The following CELF2 variants were observed in gnomAD, a reference collection of about 807,000 sequenced individuals.
The protein encoded by CELF2 is CUGBP Elav-like family member 2.
In CELF2, 8 loss-of-function variants were observed where a neutral mutation model predicts 62.6. That is an observed-to-expected ratio of 0.13 (90% CI 0.07 to 0.23). CELF2 has a LOEUF of 0.23. Ranked by LOEUF, CELF2 falls within the 10% of genes least tolerant of loss-of-function variation. The probability of loss-of-function intolerance (pLI) is 1.00; values close to 1 mark genes in which losing one functional copy is unlikely to be tolerated. For missense variants in CELF2, 333 were observed against 671.0 expected (o/e 0.50, Z 5.56); for synonymous variants, 258 against 250.0 (o/e 1.03, Z -0.30).
In CELF2 at chr10:11,335,531, C is replaced by T. The variant is rs1272869341; in HGVS notation, c.*6478C>T. The T allele has an allele frequency of 6.6e-6, 1 of 152,306 alleles. No individual in the cohort carries two copies. Among genetic ancestry groups the T allele is most frequent in the Non-Finnish European group, 1.5e-5 (1 of 68,102 alleles). The allele number at this position is 152,306 out of a possible 1,614,324, so 9.4% of individuals were successfully genotyped here. On this transcript the variant is annotated 3_prime_UTR_variant, in exon 13 of 13. Transcript: ENST00000633077. The surrounding 1 kb of genome is among the most constrained non-coding windows in gnomAD (Gnocchi z 5.0). Reference sequence around the variant, plus strand: ...CGAGGTGGAGGAAGGGAGGCTCCCTCCCCGGGGCTGGCCGCCTCAGTGATG... The same window carrying T: ...CGAGGTGGAGGAAGGGAGGCTCCCTTCCCGGGGCTGGCCGCCTCAGTGATG...
In CELF2 at chr10:11,203,851, A is replaced by G. The variant is rs183821900; in HGVS notation, c.272-13574A>G. 6.6e-5 allele frequency among the ~76,000 whole-genome samples: 10 copies of G among 152,318 alleles called. No homozygotes were observed. In the East Asian group the frequency reaches 1.9e-3, roughly 29 times the overall value. On this transcript the variant is annotated intron_variant, in intron 2 of 12. Transcript: ENST00000633077. ...CACCATGGAAACTCTTATCAAACCT[A>G]GTGGCCATAAGATTCATTGATACTA...
At chr10:10,884,248 G>A (rs7087274) in intron 1 of CELF2, among the ~76,000 whole-genome samples, 82,991 of 151,970 alleles carry the variant, frequency 0.55, 23,944 homozygotes, top group East Asian at 0.75. Flanking sequence ...GAACAGCTGT[G>A]ACTAAATGGG....
rs1032011902 is a variant in CELF2 at position 11,280,485 on chromosome 10, G to A, written c.841+5365G>A. 3.3e-5 allele frequency among the ~76,000 whole-genome samples: 5 copies of A among 152,236 alleles called. No individual in the cohort carries two copies. Among genetic ancestry groups the A allele is most frequent in the African/African-American group, 9.6e-5 (4 of 41,470 alleles). ...CGATGTCCACGTTCCGGGTGATGGCGCTGTGGCTGTGGATCCATCTGTGGT... is the reference window on the plus strand; with the variant it reads ...CGATGTCCACGTTCCGGGTGATGGCACTGTGGCTGTGGATCCATCTGTGGT... On this transcript the variant is annotated intron_variant, in intron 8 of 12. Coordinates refer to ENST00000633077, the MANE Select transcript of CELF2 (RefSeq NM_001326342.2). This position sits in a 1 kb window ranked among gnomAD's most constrained non-coding sequence, Gnocchi z 7.6.
At chr10:10,872,078 T>A (rs548306186) in intron 1 of CELF2, among the ~76,000 whole-genome samples, 133 of 152,370 alleles carry the variant, frequency 8.7e-4, no homozygotes, top group Middle Eastern at 3.4e-3. Flanking sequence ...TGTGAAATAT[T>A]TCCTTTGGAA....
the CELF2 span, among the ~76,000 whole-genome samples, chr10:10,622,107 C>T: frequency 6.6e-6 from 1 of 152,196 alleles, no homozygotes; most frequent in Admixed American, 6.5e-5. Context: ...TCCTGACAGT[C>T]ACTGGGGATG....
the CELF2 span, among the ~76,000 whole-genome samples, chr10:10,662,361 G>A: frequency 1.3e-5 from 2 of 152,268 alleles, no homozygotes; most frequent in Admixed American, 6.5e-5. Context: ...AGACTAAAAT[G>A]TGCATGACTT....
chr10:11,162,702 G>A (rs950851089), intron 1 of CELF2, among the ~76,000 whole-genome samples: 2 of 152,102 alleles, frequency 1.3e-5, no homozygotes, highest in African/African-American at 4.8e-5. Flanking sequence ...TAGGAATTGT[G>A]GTTGAGTCTA....
At chr10:10,733,921 T>A in the CELF2 span, among the ~76,000 whole-genome samples, 1 of 152,132 alleles carries the variant, frequency 6.6e-6, no homozygotes, top group Non-Finnish European at 1.5e-5. Context: ...TTTAAGAATG[T>A]AATACAAATT....
chr10:10,697,373 C>G, the CELF2 span, among the ~76,000 whole-genome samples: 5 of 152,176 alleles, frequency 3.3e-5, no homozygotes. Context: ...CCCCAGAAAA[C>G]CCAGCTCATG....
At chr10:10,652,789 C>A in the CELF2 span, among the ~76,000 whole-genome samples, 1 of 151,928 alleles carries the variant, frequency 6.6e-6, no homozygotes, top group African/African-American at 2.4e-5. Flanking sequence ...TAAAGACCAT[C>A]GAGACTAGGA....
chr10:10,539,160 T>C, the CELF2 span, among the ~76,000 whole-genome samples: 1 of 152,222 alleles, frequency 6.6e-6, no homozygotes, highest in Admixed American at 6.5e-5. Context: ...TTAAGAGTTA[T>C]AGAGTAGCTA....
At chr10:10,583,330 A>G in the CELF2 span, among the ~76,000 whole-genome samples, 1 of 152,010 alleles carries the variant, frequency 6.6e-6, no homozygotes, top group Non-Finnish European at 1.5e-5. Context: ...TTTTCTAGTT[A>G]CTCATGATTT....
the CELF2 span, among the ~76,000 whole-genome samples, chr10:10,616,923 A>G: frequency 6.6e-6 from 1 of 151,860 alleles, no homozygotes; most frequent in South Asian, 2.1e-4. Context: ...CGCCCAGCTA[A>G]TTTATTTATT....
chr10:10,639,111 C>T, the CELF2 span, among the ~76,000 whole-genome samples: 406 of 152,246 alleles, frequency 2.7e-3, 4 homozygotes, highest in East Asian at 0.028. Flanking sequence ...CTGTTAACCA[C>T]TATATAATCA....
At chr10:10,503,155 T>C in the CELF2 span, among the ~76,000 whole-genome samples, 9 of 152,088 alleles carry the variant, frequency 5.9e-5, no homozygotes, top group East Asian at 1.9e-4. Context: ...ATATTAACCA[T>C]CTTGGTATGT....
At chr10:10,879,381 G>C (rs2061310858) in intron 1 of CELF2, among the ~76,000 whole-genome samples, 1 of 152,164 alleles carries the variant, frequency 6.6e-6, no homozygotes, top group Non-Finnish European at 1.5e-5. Flanking sequence ...CCACACTAAA[G>C]ACTTGATTTA....
intron 1 of CELF2, among the ~76,000 whole-genome samples, chr10:10,837,953 A>G (rs1400705070): frequency 6.6e-6 from 1 of 152,226 alleles, no homozygotes; most frequent in Non-Finnish European, 1.5e-5. Flanking sequence ...ACAATTAATG[A>G]ACCAGTATTG....
chr10:10,482,042 C>G, the CELF2 span, among the ~76,000 whole-genome samples: 34 of 152,250 alleles, frequency 2.2e-4, no homozygotes, highest in African/African-American at 7.5e-4. Context: ...TAAGGGTTAG[C>G]ATGATAGAAA....
rs895568003 is a variant in CELF2 at position 11,224,937 on chromosome 10, T to C, written c.354+7430T>C. On this transcript the variant is annotated intron_variant, in intron 3 of 12. Coordinates refer to ENST00000633077, the MANE Select transcript of CELF2 (RefSeq NM_001326342.2). The surrounding 1 kb of genome is among the most constrained non-coding windows in gnomAD (Gnocchi z 4.5). ...GGCCAGGATCAGAGGGAGTCAGGGC[T>C]CTGCCGGATATGGTCTGGTTTGTGC... 3.3e-5 allele frequency among the ~76,000 whole-genome samples: 5 copies of C among 152,136 alleles called. No individual in the cohort carries two copies. The highest frequency in any genetic ancestry group is 2.6e-4 in the Admixed American group (4 of 15,278).
Sources: allele counts gnomAD v4.1 joint callset (sites outside exome capture counted in the v4.1 genomes callset), GRCh38; gene constraint gnomAD v4.1.1; non-coding constraint Gnocchi (gnomAD v3.1); transcripts MANE v1.5; gene names NCBI Gene and HGNC (gene_info 2026-07-23, HGNC 2026-07-21).